The following FERMT2 variants were observed in gnomAD, a reference collection of about 807,000 sequenced individuals.
The protein encoded by FERMT2 is fermitin family homolog 2.
Under a neutral mutation model 82.7 loss-of-function variants are expected in FERMT2, and 15 were observed. That is an observed-to-expected ratio of 0.18 (90% CI 0.12 to 0.28). FERMT2 has a LOEUF of 0.28. Ranked by LOEUF, FERMT2 falls within the 10% of genes least tolerant of loss-of-function variation. The pLI is 1.00. For missense variants in FERMT2, 645 were observed against 809.4 expected (o/e 0.80, Z 2.46); for synonymous variants, 274 against 271.5 (o/e 1.01, Z -0.09).
intron 12 of FERMT2, chr14:52,861,072 AAAG>A: frequency 6.7e-7 from 1 of 1,488,126 alleles, no homozygotes; most frequent in African/African-American, 1.4e-5. Context: ...AAGGAAGCAG[AAAG>A]AAAAAAAAAG....
At chr14:52,931,255 G>T (rs1191246585) in intron 2 of FERMT2, among the ~76,000 whole-genome samples, 1 of 152,130 alleles carries the variant, frequency 6.6e-6, no homozygotes, top group Non-Finnish European at 1.5e-5. Context: ...AGTAAAATGA[G>T]CTAAAAATAT....
intron 3 of FERMT2, among the ~76,000 whole-genome samples, chr14:52,918,528 A>C (rs1426816951): frequency 3.9e-5 from 6 of 152,238 alleles, no homozygotes; most frequent in Non-Finnish European, 8.8e-5. Flanking sequence ...GAATTTCTCA[A>C]ATAGGAAAAA....
intron 12 of FERMT2, 48 bp from the exon 13 acceptor site, chr14:52,860,513 T>C (rs754515190): frequency 2.0e-6 from 3 of 1,533,816 alleles, no homozygotes; most frequent in Admixed American, 2.0e-5. Flanking sequence ...TATTCTCTCA[T>C]GGGAGAACTG....
chr14:52,941,980 C>A (rs1040922460), intron 2 of FERMT2, among the ~76,000 whole-genome samples: 4 of 151,956 alleles, frequency 2.6e-5, no homozygotes, highest in African/African-American at 9.7e-5. Flanking sequence ...TGGAAGTTGG[C>A]GGGAAAGTAA....
intron 4 of FERMT2, among the ~76,000 whole-genome samples, chr14:52,889,112 C>T (rs535454132): frequency 1.3e-5 from 2 of 152,286 alleles, no homozygotes; most frequent in Non-Finnish European, 2.9e-5. Flanking sequence ...GATTTAGCCA[C>T]TCTGGGTTTC....
rs144389979 is a variant in FERMT2, at chr14:52,900,444, G to A, written c.392-7017C>T. The stretch of plus-strand genomic sequence containing the variant: ...GAAGGGTTCTCAGGGAAGATAAAGC[G>A]TTTCTGGTTAAAAAAGTATATTGAA... On this transcript the variant is annotated intron_variant, in intron 3 of 14. Coordinates refer to ENST00000341590, the MANE Select transcript of FERMT2 (RefSeq NM_006832.3). Among the ~76,000 whole-genome samples, 26 of 152,124 alleles carry A rather than the reference G, an allele frequency of 1.7e-4. No homozygotes were observed. The East Asian group carries it at 4.6e-3, about 27-fold the overall frequency.
intron 9 of FERMT2, among the ~76,000 whole-genome samples, chr14:52,873,125 C>T (rs964342051): frequency 2.0e-5 from 3 of 152,150 alleles, no homozygotes; most frequent in Non-Finnish European, 4.4e-5. Flanking sequence ...CTAGAAGATC[C>T]CACAAACAGC....
intron 7 of FERMT2, among the ~76,000 whole-genome samples, chr14:52,878,246 G>C (rs906352882): frequency 6.6e-6 from 1 of 152,088 alleles, no homozygotes; most frequent in Non-Finnish European, 1.5e-5. Context: ...TCAGAAATCT[G>C]ATTTTTAATA....
At chr14:52,925,940 G>A (rs1029319619) in intron 2 of FERMT2, among the ~76,000 whole-genome samples, 1 of 152,088 alleles carries the variant, frequency 6.6e-6, no homozygotes, top group African/African-American at 2.4e-5. Flanking sequence ...CACCGCGCCC[G>A]GCACAGATGC....
At chr14:52,927,519 T>C (rs1272520243) in intron 2 of FERMT2, among the ~76,000 whole-genome samples, 5 of 144,948 alleles carry the variant, frequency 3.4e-5, no homozygotes, top group African/African-American at 1.3e-4. Flanking sequence ...CTTTGGGAGG[T>C]TTGAGGTGGG....
intron 9 of FERMT2, 129 bp from the exon 10 acceptor site, chr14:52,873,052 T>TG (rs1297921462): frequency 4.7e-6 from 4 of 842,864 alleles, no homozygotes; most frequent in Non-Finnish European, 7.5e-6. Flanking sequence ...TGATCCCCCT[T>TG]GGTCAGCGTC....
chr14:52,912,935 TAC>T (rs1888407364), intron 3 of FERMT2, among the ~76,000 whole-genome samples: 1 of 152,202 alleles, frequency 6.6e-6, no homozygotes, highest in Non-Finnish European at 1.5e-5. Flanking sequence ...ATGCTGAGAA[TAC>T]AAAGATGGAA....
intron 3 of FERMT2, among the ~76,000 whole-genome samples, chr14:52,900,939 C>T (rs1887587141): frequency 6.6e-6 from 1 of 151,884 alleles, no homozygotes; most frequent in Non-Finnish European, 1.5e-5. Context: ...CTAAACTCCA[C>T]CCAATATAGA....
intron 2 of FERMT2, among the ~76,000 whole-genome samples, chr14:52,930,104 G>A (rs1273249453): frequency 6.6e-6 from 1 of 151,942 alleles, no homozygotes; most frequent in Admixed American, 6.6e-5. Context: ...ACTAATACAA[G>A]TTGTATGTCT....
At chr14:52,884,940 T>C (rs1886504526) in intron 4 of FERMT2, among the ~76,000 whole-genome samples, 1 of 151,778 alleles carries the variant, frequency 6.6e-6, no homozygotes, top group African/African-American at 2.4e-5. Flanking sequence ...AGGTGGAGGT[T>C]GCAGTGAGCA....
chr14:52,906,142 G>A (rs1479819460), intron 3 of FERMT2, among the ~76,000 whole-genome samples: 1 of 152,178 alleles, frequency 6.6e-6, no homozygotes, highest in Non-Finnish European at 1.5e-5. Flanking sequence ...TGAGAGATCT[G>A]GGATGGCATT....
At chr14:52,902,655 A>G (rs1047649641) in intron 3 of FERMT2, among the ~76,000 whole-genome samples, 1 of 151,136 alleles carries the variant, frequency 6.6e-6, no homozygotes, top group Non-Finnish European at 1.5e-5. Flanking sequence ...GATTACCCAA[A>G]GTCAGGAATT....
intron 2 of FERMT2, among the ~76,000 whole-genome samples, chr14:52,933,381 C>A (rs1269618997): frequency 1.3e-5 from 2 of 152,052 alleles, no homozygotes; most frequent in African/African-American, 4.8e-5. Flanking sequence ...TCTTAAAATG[C>A]AAACTTGATC....
intron 3 of FERMT2, among the ~76,000 whole-genome samples, chr14:52,901,154 G>A (rs956492233): frequency 2.1e-5 from 3 of 145,934 alleles, no homozygotes; most frequent in African/African-American, 5.0e-5. Flanking sequence ...TGTGGCGGGC[G>A]CCTGTAGTCC....
Sources: gnomAD v4.1 joint callset for allele counts (sites outside exome capture counted in the v4.1 genomes callset) on GRCh38, gnomAD v4.1.1 for gene constraint, MANE v1.5 for transcripts, NCBI Gene and HGNC (gene_info 2026-07-23, HGNC 2026-07-21) for gene names.